Variants in ZHX2 observed in about 807,000 individuals in gnomAD.
ZHX2 encodes the protein zinc fingers and homeoboxes protein 2.
A neutral mutation model predicts 21.9 loss-of-function variants in ZHX2; 6 were observed. The ratio of observed to expected loss-of-function variants is 0.27; its 90% CI spans 0.15 to 0.54. The LOEUF (loss-of-function observed/expected upper bound fraction) is 0.54, where lower values mean the gene tolerates loss of function less well. Ranked by LOEUF, ZHX2 falls within the 20% of genes least tolerant of loss-of-function variation. ZHX2 has a pLI of 0.95. For synonymous variants in ZHX2, 434 were observed against 437.1 expected (o/e 0.99, Z 0.09); for missense variants, 908 against 1,090.7 (o/e 0.83, Z 2.36).
intron 1 of ZHX2, among the ~76,000 whole-genome samples, chr8:122,822,349 G>A (rs922174110): frequency 4.6e-5 from 7 of 152,124 alleles, no homozygotes; most frequent in African/African-American, 1.4e-4. Flanking sequence ...AAAGGGACCT[G>A]AGAGAGCATT....
intron 3 of ZHX2, among the ~76,000 whole-genome samples, chr8:122,964,512 A>G (rs1813531176): frequency 6.6e-6 from 1 of 152,066 alleles, no homozygotes; most frequent in African/African-American, 2.4e-5. Context: ...ATGGTGGATT[A>G]TCTCTTTGGT....
At chr8:122,896,697 T>C (rs1343885517) in intron 2 of ZHX2, among the ~76,000 whole-genome samples, 1 of 152,230 alleles carries the variant, frequency 6.6e-6, no homozygotes, top group Non-Finnish European at 1.5e-5. Flanking sequence ...TTAAGTCACA[T>C]AGCCACCTGT....
At chr8:122,858,027 C>G (rs1348624824) in intron 1 of ZHX2, among the ~76,000 whole-genome samples, 1 of 152,194 alleles carries the variant, frequency 6.6e-6, no homozygotes, top group Non-Finnish European at 1.5e-5. Flanking sequence ...GAAATATTGC[C>G]TGGAACAAAG....
In ZHX2 at chr8:122,809,754, G is replaced by A. The variant is rs182911834; in HGVS notation, c.-283+27808G>A. Reference sequence around the variant, plus strand: ...CCTCGACAGAGGCAGAAGTGAGTTCGAATCATGGCTTTGCCCCATGCCAGC... The same window carrying A: ...CCTCGACAGAGGCAGAAGTGAGTTCAAATCATGGCTTTGCCCCATGCCAGC... On this transcript the variant is annotated intron_variant, in intron 1 of 3. Transcript: ENST00000314393. Among the ~76,000 whole-genome samples, 438 of 152,252 alleles carry A rather than the reference G, an allele frequency of 2.9e-3. 1 individual carries two copies. The highest frequency in any genetic ancestry group is 9.8e-3 in the African/African-American group (409 of 41,536).
At chr8:122,824,700 G>C (rs1818225699) in intron 1 of ZHX2, among the ~76,000 whole-genome samples, 1 of 152,208 alleles carries the variant, frequency 6.6e-6, no homozygotes, top group South Asian at 2.1e-4. Context: ...TCCTGTATTA[G>C]TTTTCTATGG....
chr8:122,829,152 T>C lies in ZHX2; in HGVS notation c.-282-34325T>C, dbSNP rs1818320969. ...ATAACATTTTCTGAAGGCATACAGATATGCCCAAAGATGGACAGATCAAGC... is the reference window on the plus strand; with the variant it reads ...ATAACATTTTCTGAAGGCATACAGACATGCCCAAAGATGGACAGATCAAGC... On this transcript the variant is annotated intron_variant, in intron 1 of 3. Coordinates refer to ENST00000314393, the MANE Select transcript of ZHX2 (RefSeq NM_014943.5). 2.0e-5 allele frequency among the ~76,000 whole-genome samples: 3 copies of C among 152,344 alleles called. No individual in the cohort carries two copies. In the South Asian group the frequency reaches 6.2e-4, roughly 32 times the overall value.
intron 2 of ZHX2, among the ~76,000 whole-genome samples, chr8:122,908,230 C>T (rs987926852): frequency 3.3e-5 from 5 of 152,062 alleles, no homozygotes; most frequent in Non-Finnish European, 7.4e-5. Flanking sequence ...AATGGAGTTT[C>T]GTTCTTGTTG....
At chr8:122,810,371 A>G (rs963881066) in intron 1 of ZHX2, 1 of 152,256 alleles carries the variant, frequency 6.6e-6, no homozygotes, top group Non-Finnish European at 1.5e-5. Flanking sequence ...TCTTGTACAC[A>G]TTCAGCAAGT....
chr8:122,961,764 C>T (rs778643777), intron 3 of ZHX2, among the ~76,000 whole-genome samples: 41 of 152,156 alleles, frequency 2.7e-4, no homozygotes, highest in Admixed American at 3.9e-4. Context: ...CACCTGGTCT[C>T]TCCCTTGACA....
intron 2 of ZHX2, among the ~76,000 whole-genome samples, chr8:122,917,122 C>T (rs1362735710): frequency 6.6e-6 from 1 of 152,170 alleles, no homozygotes; most frequent in Non-Finnish European, 1.5e-5. Context: ...TTTCTCAGGG[C>T]TCCCAGCCTT....
intron 1 of ZHX2, among the ~76,000 whole-genome samples, chr8:122,861,815 A>G (rs1442738125): frequency 6.6e-6 from 1 of 152,200 alleles, no homozygotes; most frequent in Admixed American, 6.5e-5. Flanking sequence ...TGGTGGATAA[A>G]AAGCTCTTTC....
chr8:122,858,669 C>T (rs1819093254), intron 1 of ZHX2, among the ~76,000 whole-genome samples: 1 of 118,992 alleles, frequency 8.4e-6, no homozygotes, highest in African/African-American at 3.2e-5. Flanking sequence ...GAGACAGAAT[C>T]TCACTCTGTT....
intron 1 of ZHX2, among the ~76,000 whole-genome samples, chr8:122,835,303 G>A (rs577734731): frequency 1.9e-4 from 29 of 152,358 alleles, no homozygotes; most frequent in South Asian, 1.9e-3. Flanking sequence ...CAAAGATGGC[G>A]CCCGAGCGAG....
chr8:122,937,896 T>A (rs1244895562), intron 2 of ZHX2, among the ~76,000 whole-genome samples: 1 of 150,250 alleles, frequency 6.7e-6, no homozygotes, highest in Admixed American at 6.7e-5. Context: ...CATCTATTTT[T>A]TTTATTCATG....
intron 2 of ZHX2, among the ~76,000 whole-genome samples, chr8:122,910,134 GA>G (rs34307909): frequency 0.49 from 71,792 of 147,182 alleles, 17,459 homozygotes; most frequent in South Asian, 0.64. Flanking sequence ...TCAAAGTAGG[GA>G]AAAAAAAAAA....
chr8:122,931,266 G>T (rs1410466847), intron 2 of ZHX2, among the ~76,000 whole-genome samples: 2 of 152,162 alleles, frequency 1.3e-5, no homozygotes, highest in African/African-American at 4.8e-5. Context: ...ATTATGCAGG[G>T]CTCGTACACT....
At chr8:122,819,264 C>T (rs1818094443) in intron 1 of ZHX2, among the ~76,000 whole-genome samples, 1 of 152,158 alleles carries the variant, frequency 6.6e-6, no homozygotes, top group Non-Finnish European at 1.5e-5. Flanking sequence ...GAGCAGGCTG[C>T]CTGACCACTC....
intron 2 of ZHX2, among the ~76,000 whole-genome samples, chr8:122,871,540 AG>A (rs1184184425): frequency 1.6e-5 from 1 of 63,678 alleles, no homozygotes; most frequent in Non-Finnish European, 2.8e-5. Context: ...GGGTGGGGGG[AG>A]GGGGGAGGGA....
intron 1 of ZHX2, among the ~76,000 whole-genome samples, chr8:122,786,541 G>T (rs1346011151): frequency 2.0e-5 from 3 of 152,186 alleles, no homozygotes; most frequent in Admixed American, 6.5e-5. Flanking sequence ...TTGTAAAAAG[G>T]CTTAGCACAC....
Sources: gnomAD v4.1 joint callset for allele counts (sites outside exome capture counted in the v4.1 genomes callset) on GRCh38, gnomAD v4.1.1 for gene constraint, MANE v1.5 for transcripts, NCBI Gene and HGNC (gene_info 2026-07-23, HGNC 2026-07-21) for gene names.